The following LPP variants were observed in gnomAD, a reference collection of about 807,000 sequenced individuals.
LPP encodes the protein LIM domain containing preferred translocation partner in lipoma.
In LPP, 38 loss-of-function variants were observed where a neutral mutation model predicts 60.4. The ratio of observed to expected loss-of-function variants is 0.63; its 90% confidence interval spans 0.49 to 0.83. The LOEUF (loss-of-function observed/expected upper bound fraction) is 0.83. Ranked by LOEUF, LPP falls within the 40% of genes least tolerant of loss-of-function variation. LPP has a pLI of 0.00. For missense variants in LPP, 902 were observed against 783.6 expected, an observed-to-expected ratio of 1.15 and a Z score of -1.80; for synonymous variants, 328 against 290.8, an observed-to-expected ratio of 1.13 and a Z score of -1.30.
At chr3:188,503,655 A>G (rs1256548820) in intron 5 of LPP, among the ~76,000 whole-genome samples, 1 of 143,612 alleles carries the variant, frequency 7.0e-6, no homozygotes, top group Non-Finnish European at 1.5e-5. Flanking sequence ...TTTTTTTTTC[A>G]TGACTGGCAT....
chr3:188,740,981 A>G (rs761339808), intron 8 of LPP, among the ~76,000 whole-genome samples: 8 of 151,964 alleles, frequency 5.3e-5, no homozygotes, highest in Non-Finnish European at 7.4e-5. Flanking sequence ...TAATTTGATA[A>G]GATATCTGCA....
intron 3 of LPP, among the ~76,000 whole-genome samples, chr3:188,354,079 A>G (rs1413115311): frequency 6.6e-6 from 1 of 152,182 alleles, no homozygotes; most frequent in Non-Finnish European, 1.5e-5. Context: ...CATATTCATT[A>G]GATGACATTC....
chr3:188,862,522 A>G (rs1765412910), intron 9 of LPP, among the ~76,000 whole-genome samples: 1 of 151,994 alleles, frequency 6.6e-6, no homozygotes, highest in South Asian at 2.1e-4. Context: ...GGGCTGGTAA[A>G]AGAATGTTGC....
At chr3:188,577,502 CTCT>C (rs1834890690) in intron 6 of LPP, among the ~76,000 whole-genome samples, 1 of 151,544 alleles carries the variant, frequency 6.6e-6, no homozygotes, top group African/African-American at 2.4e-5. Context: ...TTTAAATTTT[CTCT>C]AATGAGCCTA....
chr3:188,821,791 G>C (rs927979511), intron 9 of LPP, among the ~76,000 whole-genome samples: 5 of 152,026 alleles, frequency 3.3e-5, no homozygotes, highest in Admixed American at 6.6e-5. Flanking sequence ...GGTTTTTAAT[G>C]CTTGTATAAC....
At position 188,668,730 on chromosome 3, in the gene LPP, C is replaced by T. The variant is rs1560037530; in HGVS notation, c.1114-39537C>T. 2.6e-5 allele frequency among the ~76,000 whole-genome samples: 4 copies of T among 152,286 alleles called. No individual in the cohort carries two copies. In the East Asian group the frequency reaches 5.8e-4, roughly 22 times the overall value. ...TTGCTGTTTTTCCGTGGGACAATTACTTATTCTTTTTCTGCAGATTTCCTA... is the reference window on the plus strand; with the variant it reads ...TTGCTGTTTTTCCGTGGGACAATTATTTATTCTTTTTCTGCAGATTTCCTA... On this transcript the variant is annotated intron_variant, in intron 7 of 11. Transcript: ENST00000617246.
chr3:188,765,092 T>A (rs1733587054), intron 9 of LPP, among the ~76,000 whole-genome samples: 1 of 152,224 alleles, frequency 6.6e-6, no homozygotes, highest in Admixed American at 6.5e-5. Flanking sequence ...GCTGTTCTTT[T>A]ATATACTCAA....
Position 188,253,207 on chromosome 3 carries a change from C to T in LPP, c.-67+27680C>T, listed in dbSNP as rs189251795. Among the ~76,000 whole-genome samples, 3 of 151,166 alleles carry T rather than the reference C, an allele frequency of 2.0e-5. No homozygotes were observed. The East Asian group carries it at 5.8e-4, about 29-fold the overall frequency. On this transcript the variant is annotated intron_variant, in intron 2 of 11. Transcript: ENST00000617246. ...CTCTCCCAATTTGTTTATCTTTTGACTTTGATTACAGTGTTTTATTTTCTT... is the reference window on the plus strand; with the variant it reads ...CTCTCCCAATTTGTTTATCTTTTGATTTTGATTACAGTGTTTTATTTTCTT...
intron 7 of LPP, among the ~76,000 whole-genome samples, chr3:188,651,458 C>T (rs1343252943): frequency 5.3e-5 from 8 of 152,144 alleles, no homozygotes; most frequent in Non-Finnish European, 7.4e-5. Context: ...TAGAAACAAT[C>T]GTTTTATTTC....
chr3:188,753,963 A>C (rs182999543), intron 8 of LPP, among the ~76,000 whole-genome samples: 1 of 152,290 alleles, frequency 6.6e-6, no homozygotes, highest in Non-Finnish European at 1.5e-5. Context: ...GATATGATAA[A>C]AACTCTTGTA....
chr3:188,646,404 A>G (rs917098611), intron 7 of LPP, among the ~76,000 whole-genome samples: 3 of 152,158 alleles, frequency 2.0e-5, no homozygotes, highest in African/African-American at 7.2e-5. Context: ...TGGAAGAACA[A>G]TGATGCTGAT....
At chr3:188,400,123 A>T (rs929666531) in intron 3 of LPP, among the ~76,000 whole-genome samples, 2 of 151,776 alleles carry the variant, frequency 1.3e-5, no homozygotes, top group African/African-American at 4.8e-5. Context: ...TTATGATTAG[A>T]TTTGAGGGTA....
At chr3:188,318,499 T>C (rs1419330789) in intron 2 of LPP, among the ~76,000 whole-genome samples, 2 of 152,034 alleles carry the variant, frequency 1.3e-5, no homozygotes, top group African/African-American at 4.8e-5. Flanking sequence ...TGGAGTAGAA[T>C]GTTTCCTAAA....
chr3:188,416,262 A>C (rs1786247019), intron 4 of LPP, among the ~76,000 whole-genome samples: 1 of 152,158 alleles, frequency 6.6e-6, no homozygotes, highest in East Asian at 1.9e-4. Context: ...TATGGCTTAA[A>C]CCTGTGGTTT....
At chr3:188,612,115 T>G (rs1843839408) in intron 7 of LPP, among the ~76,000 whole-genome samples, 1 of 152,246 alleles carries the variant, frequency 6.6e-6, no homozygotes, top group South Asian at 2.1e-4. Context: ...TATATTTGTT[T>G]TTCAACAGTT....
intron 9 of LPP, among the ~76,000 whole-genome samples, chr3:188,835,406 C>G (rs1758184728): frequency 6.7e-6 from 1 of 149,918 alleles, no homozygotes; most frequent in South Asian, 2.1e-4. Context: ...GCGGGCGGAT[C>G]ACTTGACTAC....
At chr3:188,587,985 T>C (rs1002917981) in intron 6 of LPP, among the ~76,000 whole-genome samples, 3 of 152,234 alleles carry the variant, frequency 2.0e-5, no homozygotes, top group South Asian at 2.1e-4. Context: ...GTGGTCATCA[T>C]TGATGTTTTA....
chr3:188,363,426 T>C (rs1770115843), intron 3 of LPP, among the ~76,000 whole-genome samples: 1 of 152,040 alleles, frequency 6.6e-6, no homozygotes, highest in African/African-American at 2.4e-5. Context: ...TCAGGTAAAT[T>C]AGAAAAGGCT....
intron 9 of LPP, among the ~76,000 whole-genome samples, chr3:188,765,066 G>A (rs1173413747): frequency 1.3e-5 from 2 of 152,064 alleles, no homozygotes; most frequent in Non-Finnish European, 2.9e-5. Context: ...AGGTAGTTTT[G>A]TACCTCTGCA....
Sources: allele counts gnomAD v4.1 joint callset (sites outside exome capture counted in the v4.1 genomes callset), GRCh38; gene constraint gnomAD v4.1.1; transcripts MANE v1.5; gene names NCBI Gene and HGNC (gene_info 2026-07-23, HGNC 2026-07-21).